Variants in SLC25A21 observed in about 807,000 individuals in gnomAD.
SLC25A21 encodes the protein solute carrier family 25 member 21, also known as mitochondrial 2-oxodicarboxylate carrier.
Under a neutral mutation model 43.8 loss-of-function variants are expected in SLC25A21, and 47 were observed. The observed-to-expected ratio is 1.07, with a 90% CI of 0.85 to 1.37. The LOEUF (loss-of-function observed/expected upper bound fraction) is 1.37, where lower values mean the gene tolerates loss of function less well. Among genes scored for constraint, SLC25A21 ranks in the 40% most tolerant of loss-of-function variants. SLC25A21 has a pLI of 0.00. For synonymous variants in SLC25A21, 131 were observed against 121.3 expected, an observed-to-expected ratio of 1.08 and a Z score of -0.52; for missense variants, 352 against 350.2, an observed-to-expected ratio of 1.00 and a Z score of -0.04.
intron 1 of SLC25A21, among the ~76,000 whole-genome samples, chr14:36,880,504 G>C (rs1890684217): frequency 6.6e-6 from 1 of 152,100 alleles, no homozygotes. Context: ...GCTCCACGAG[G>C]ACAGAGACTC....
At chr14:36,833,206 A>C (rs1382337668) in intron 2 of SLC25A21, among the ~76,000 whole-genome samples, 3 of 152,324 alleles carry the variant, frequency 2.0e-5, no homozygotes, top group Middle Eastern at 3.4e-3. Flanking sequence ...AGAGAAAATA[A>C]ATAAACGCTT....
intron 3 of SLC25A21, among the ~76,000 whole-genome samples, chr14:36,793,444 C>CAT (rs1230210651): frequency 7.9e-5 from 12 of 151,010 alleles, no homozygotes; most frequent in African/African-American, 2.7e-4. Flanking sequence ...AGGAAGCTAA[C>CAT]ATGCTATCCT....
At chr14:37,027,031 T>C (rs901385249) in intron 1 of SLC25A21, among the ~76,000 whole-genome samples, 2 of 152,150 alleles carry the variant, frequency 1.3e-5, no homozygotes, top group Admixed American at 1.3e-4. Context: ...TAAGCTACCA[T>C]CTCCATGAAG....
chr14:37,032,184 G>A (rs565814157), intron 1 of SLC25A21, among the ~76,000 whole-genome samples: 8 of 152,090 alleles, frequency 5.3e-5, no homozygotes, highest in African/African-American at 9.7e-5. Context: ...ATTTTTATGC[G>A]ATAAGATATT....
At chr14:37,062,795 G>A (rs1192050921) in intron 1 of SLC25A21, among the ~76,000 whole-genome samples, 1 of 152,190 alleles carries the variant, frequency 6.6e-6, no homozygotes, top group African/African-American at 2.4e-5. Flanking sequence ...GTGGGCTGGT[G>A]TAATAGAGAG....
chr14:36,715,127 T>C (rs1323379295), intron 6 of SLC25A21, among the ~76,000 whole-genome samples: 6 of 152,212 alleles, frequency 3.9e-5, no homozygotes, highest in Non-Finnish European at 7.3e-5. Flanking sequence ...AGTTTGACAA[T>C]CCAACTGATA....
At chr14:36,812,119 G>A (rs942066300) in intron 3 of SLC25A21, among the ~76,000 whole-genome samples, 24 of 151,874 alleles carry the variant, frequency 1.6e-4, no homozygotes, top group Non-Finnish European at 5.9e-5. Context: ...CACAAAATAG[G>A]CAATTCACAA....
At chr14:37,072,899 G>C (rs1237771141) in intron 1 of SLC25A21, among the ~76,000 whole-genome samples, 1 of 152,060 alleles carries the variant, frequency 6.6e-6, no homozygotes, top group Admixed American at 6.6e-5. Context: ...GTCACCATCA[G>C]ATATATCATC....
chr14:37,100,948 T>C (rs948851558), intron 1 of SLC25A21, among the ~76,000 whole-genome samples: 7 of 152,222 alleles, frequency 4.6e-5, no homozygotes, highest in African/African-American at 1.7e-4. Flanking sequence ...GCTATTATTA[T>C]CATTCTCTGT....
chr14:37,016,900 C>T (rs2138747647), intron 1 of SLC25A21, among the ~76,000 whole-genome samples: 1 of 152,214 alleles, frequency 6.6e-6, no homozygotes, highest in Non-Finnish European at 1.5e-5. Context: ...TCTGCAGCTT[C>T]CTCACCTCTC....
intron 1 of SLC25A21, among the ~76,000 whole-genome samples, chr14:37,161,623 G>A (rs918428029): frequency 6.6e-6 from 1 of 152,106 alleles, no homozygotes; most frequent in Non-Finnish European, 1.5e-5. Context: ...CTAATCCAAT[G>A]ACTGGTGTCC....
At chr14:37,083,442 T>C (rs1416628071) in intron 1 of SLC25A21, among the ~76,000 whole-genome samples, 1 of 152,214 alleles carries the variant, frequency 6.6e-6, no homozygotes, top group African/African-American at 2.4e-5. Flanking sequence ...GTTCAGTGAC[T>C]ACAATAATGC....
intron 1 of SLC25A21, among the ~76,000 whole-genome samples, chr14:36,936,609 A>C (rs1892430293): frequency 6.6e-6 from 1 of 152,184 alleles, no homozygotes; most frequent in Non-Finnish European, 1.5e-5. Flanking sequence ...CCCCTTCCAC[A>C]GTTCTGTTCA....
intron 7 of SLC25A21, 38 bp downstream of exon 7, chr14:36,711,280 G>A (rs1883849791): frequency 6.3e-7 from 1 of 1,594,550 alleles, no homozygotes; most frequent in East Asian, 2.2e-5. Context: ...TCACTGATAG[G>A]ATTTTTCCTC....
chr14:37,028,203 G>A (rs1961134870), intron 1 of SLC25A21, among the ~76,000 whole-genome samples: 1 of 151,922 alleles, frequency 6.6e-6, no homozygotes, highest in African/African-American at 2.4e-5. Context: ...TACTTACAGT[G>A]TAAATCTTTT....
At chr14:36,883,389 C>A (rs1890807543) in intron 1 of SLC25A21, among the ~76,000 whole-genome samples, 1 of 152,152 alleles carries the variant, frequency 6.6e-6, no homozygotes, top group Admixed American at 6.5e-5. Context: ...CAAGAGTAGT[C>A]CCGACCACTC....
rs113352232 is a variant in SLC25A21, at chr14:36,920,673, TG to T, written c.71-45670del. On this transcript the variant is annotated intron_variant, in intron 1 of 9. Transcript: ENST00000331299. ...TATTTTTACCTCCATTCTTGCAATTTGGGTTTCAAAGATAACTACAGTAGAC... is the reference window on the plus strand; with the variant it reads ...TATTTTTACCTCCATTCTTGCAATTTGGTTTCAAAGATAACTACAGTAGAC... Among the ~76,000 whole-genome samples, 348 of 152,186 alleles carry T rather than the reference TG, an allele frequency of 2.3e-3. 4 individuals carry two copies. Among genetic ancestry groups the T allele is most frequent in the African/African-American group, 7.8e-3 (325 of 41,542 alleles).
intron 1 of SLC25A21, among the ~76,000 whole-genome samples, chr14:36,910,181 A>T (rs1891646938): frequency 6.6e-6 from 1 of 152,194 alleles, no homozygotes; most frequent in Admixed American, 6.5e-5. Context: ...AAGTACAGAG[A>T]TCATCATGGA....
chr14:36,867,567 G>T (rs551837659), intron 2 of SLC25A21, among the ~76,000 whole-genome samples: 1 of 152,114 alleles, frequency 6.6e-6, no homozygotes, highest in African/African-American at 2.4e-5. Flanking sequence ...CTGCCCAGAA[G>T]GATGCTCTAC....
Sources: allele counts gnomAD v4.1 joint callset (sites outside exome capture counted in the v4.1 genomes callset), GRCh38; gene constraint gnomAD v4.1.1; transcripts MANE v1.5; gene names NCBI Gene and HGNC (gene_info 2026-07-23, HGNC 2026-07-21).